The following CHD2 variants were observed in gnomAD, a reference collection of about 807,000 sequenced individuals.
CHD2 encodes chromodomain helicase DNA binding protein 2, also known as ATP-dependent chromatin remodeler CHD2.
In CHD2, 28 loss-of-function variants were observed where a neutral mutation model predicts 243.9. The observed-to-expected ratio is 0.11, with a 90% CI of 0.09 to 0.16. The LOEUF (loss-of-function observed/expected upper bound fraction) is 0.16, where lower values mean the gene tolerates loss of function less well. Ranked by LOEUF, CHD2 falls within the 10% of genes least tolerant of loss-of-function variation. CHD2 has a pLI of 1.00. For synonymous variants in CHD2, 775 were observed against 779.0 expected (o/e 0.99, Z 0.09); for missense variants, 1,386 against 2,209.8 (o/e 0.63, Z 7.47).
intron 24 of CHD2, among the ~76,000 whole-genome samples, chr15:92,982,827 G>C (rs1027488439): frequency 6.6e-6 from 1 of 152,196 alleles, no homozygotes; most frequent in African/African-American, 2.4e-5. Flanking sequence ...TTAGGATGCA[G>C]AGGATGGGGT....
intron 16 of CHD2, among the ~76,000 whole-genome samples, chr15:92,965,036 ATTT>A (rs1309014123): frequency 6.6e-6 from 1 of 152,020 alleles, no homozygotes; most frequent in Admixed American, 6.6e-5. Flanking sequence ...AAAGTAACCT[ATTT>A]TTCTAAAATT....
In CHD2 at chr15:93,024,750, A is replaced by T; in HGVS notation, c.*45A>T. 2 of 1,528,014 alleles carry T rather than the reference A, an allele frequency of 1.3e-6. No individual in the cohort carries two copies. The highest frequency in any genetic ancestry group is 1.8e-6 in the Non-Finnish European group (2 of 1,128,662). 94.7% of individuals were successfully genotyped at this position (1,528,014 alleles called of 1,614,324 possible). A position where few individuals can be genotyped will look rare whatever the true frequency, so the allele number is the denominator to read the frequency against. ...AGAGTAAGAGTCACCAAACACGTGG[A>T]TATTTTTGGTCTGATCCTACAGTAG... On this transcript the variant is annotated 3_prime_UTR_variant, in exon 39 of 39. Transcript: ENST00000394196.
chr15:92,960,545 C>T (rs1177569464), intron 16 of CHD2, among the ~76,000 whole-genome samples: 1 of 151,842 alleles, frequency 6.6e-6, no homozygotes, highest in East Asian at 1.9e-4. Flanking sequence ...TGGTTTTGTC[C>T]TTTAACAATA....
At chr15:92,985,963 A>G (rs2054037317) in intron 26 of CHD2, among the ~76,000 whole-genome samples, 1 of 152,208 alleles carries the variant, frequency 6.6e-6, no homozygotes, top group Non-Finnish European at 1.5e-5. Flanking sequence ...ATTGACATAC[A>G]TGTATATACA....
intron 16 of CHD2, among the ~76,000 whole-genome samples, chr15:92,964,620 A>C (rs928990374): frequency 1.1e-4 from 16 of 152,234 alleles, no homozygotes; most frequent in Admixed American, 8.5e-4. Flanking sequence ...CTTAGTATAG[A>C]GTCTAAGTGC....
In CHD2 at chr15:92,997,388, T is replaced by C. The variant is rs1337242784; in HGVS notation, c.3870T>C (p.Leu1290=). 2 of 1,586,024 alleles carry C rather than the reference T, an allele frequency of 1.3e-6. No individual in the cohort carries two copies. The highest frequency in any genetic ancestry group is 2.2e-5 in the East Asian group (1 of 44,560). Residue 1290 remains leucine (L), a synonymous_variant, in exon 30 of 39, where the codon CTT becomes CTC. Coordinates refer to ENST00000394196, the MANE Select transcript of CHD2 (RefSeq NM_001271.4). This position sits in a 1 kb window ranked among gnomAD's most constrained non-coding sequence, Gnocchi z 4.1. The part of the protein sequence containing the change: ...NWELIKTDPE[L]KLTDKILPVE... ...AGTTAATTAAAACAGACCCAGAGCT[T>C]AAATTAACTGACAAAGTAAGTAACC...
chr15:92,991,399 T>G (rs1407780716), intron 26 of CHD2, 77 bp from the exon 27 acceptor site: 14 of 1,102,482 alleles, frequency 1.3e-5, no homozygotes, highest in Non-Finnish European at 1.9e-5. Context: ...TCATATGTCA[T>G]CACAGGATAT....
chr15:92,988,068 ATAGT>A (rs1448069092), intron 26 of CHD2, among the ~76,000 whole-genome samples: 1 of 151,158 alleles, frequency 6.6e-6, no homozygotes, highest in Non-Finnish European at 1.5e-5. Flanking sequence ...CATACTTTAT[ATAGT>A]TAGTTGTCTC....
intron 33 of CHD2, among the ~76,000 whole-genome samples, chr15:93,002,741 C>G (rs2054273418): frequency 6.6e-6 from 1 of 152,114 alleles, no homozygotes; most frequent in Non-Finnish European, 1.5e-5. Context: ...GATGAAAAGC[C>G]TTGCTATTAT....
chr15:92,949,253 A>G (rs1427849679), intron 13 of CHD2, 177 bp downstream of exon 13: 78 of 1,417,412 alleles, frequency 5.5e-5, no homozygotes, highest in Non-Finnish European at 7.3e-6. Flanking sequence ...GGGAGTTTTT[A>G]TGTATGTGTA....
At chr15:92,906,459 A>C (rs1409205163) in intron 2 of CHD2, among the ~76,000 whole-genome samples, 2 of 152,160 alleles carry the variant, frequency 1.3e-5, no homozygotes, top group Non-Finnish European at 2.9e-5. Context: ...ATTTTAACTA[A>C]AACTCACAGA....
intron 16 of CHD2, among the ~76,000 whole-genome samples, chr15:92,958,898 A>T (rs973396069): frequency 4.6e-5 from 7 of 152,190 alleles, no homozygotes; most frequent in African/African-American, 1.7e-4. Context: ...CTACGGTGTG[A>T]TGTTCTGTAG....
At chr15:93,014,576 ACGCCAGTT>A in intron 36 of CHD2, 112 bp from the exon 37 acceptor site, 1 of 826,124 alleles carries the variant, frequency 1.2e-6, no homozygotes. Context: ...GAGGTAGTAA[ACGCCAGTT>A]CAGAAGTTTA....
chr15:92,938,981 C>T (rs1407493247), intron 6 of CHD2, among the ~76,000 whole-genome samples: 1 of 152,110 alleles, frequency 6.6e-6, no homozygotes, highest in Non-Finnish European at 1.5e-5. Context: ...ATAATAGCAT[C>T]CTCTGCTGCT....
chr15:92,962,675 G>GT (rs1208275519), intron 16 of CHD2, among the ~76,000 whole-genome samples: 1 of 150,130 alleles, frequency 6.7e-6, no homozygotes, highest in African/African-American at 2.5e-5. Context: ...TAATGGTGTT[G>GT]TTCAAGACTT....
At chr15:92,917,819 T>G (rs1022241207) in intron 2 of CHD2, among the ~76,000 whole-genome samples, 9 of 152,230 alleles carry the variant, frequency 5.9e-5, no homozygotes, top group African/African-American at 9.6e-5. Context: ...GGGCTTTGTC[T>G]TCTTTATAGG....
chr15:92,935,098 C>G (rs958041967), intron 5 of CHD2, among the ~76,000 whole-genome samples: 5 of 151,220 alleles, frequency 3.3e-5, no homozygotes, highest in Non-Finnish European at 7.4e-5. Context: ...TGCAGTGGCC[C>G]GATCTCGGCC....
chr15:92,994,820 C>A (rs1307056250), intron 28 of CHD2, among the ~76,000 whole-genome samples: 1 of 152,182 alleles, frequency 6.6e-6, no homozygotes, highest in Admixed American at 6.5e-5. Flanking sequence ...TCCCCAAAGT[C>A]TCCCTTTTTT....
intron 35 of CHD2, among the ~76,000 whole-genome samples, chr15:93,010,501 G>A (rs2054378873): frequency 6.6e-6 from 1 of 150,824 alleles, no homozygotes; most frequent in East Asian, 1.9e-4. Flanking sequence ...TCTTGGCACT[G>A]CAACCTCCAC....
Sources: allele counts gnomAD v4.1 joint callset (sites outside exome capture counted in the v4.1 genomes callset), GRCh38; gene constraint gnomAD v4.1.1; non-coding constraint Gnocchi (gnomAD v3.1); transcripts MANE v1.5; gene names NCBI Gene and HGNC (gene_info 2026-07-23, HGNC 2026-07-21).